The following GCNT2 variants were observed in gnomAD, a reference collection of about 807,000 sequenced individuals.
The protein encoded by GCNT2 is glucosaminyl (N-acetyl) transferase 2 (I blood group).
In GCNT2, 34 loss-of-function variants were observed where a neutral mutation model predicts 34.2. That is an observed-to-expected ratio of 1.00 (90% CI 0.76 to 1.32). The LOEUF (loss-of-function observed/expected upper bound fraction) is 1.32, where lower values mean the gene tolerates loss of function less well. GCNT2 is among the 40% of genes most tolerant of loss of function. The pLI, the probability that GCNT2 is intolerant of heterozygous loss-of-function variation, is 0.00. For missense variants in GCNT2, 584 were observed against 489.4 expected (o/e 1.19, Z -1.82); for synonymous variants, 212 against 188.0 (o/e 1.13, Z -1.04).
intron 3 of GCNT2, among the ~76,000 whole-genome samples, chr6:10,541,318 C>A (rs1023332743): frequency 5.3e-5 from 8 of 152,160 alleles, no homozygotes; most frequent in African/African-American, 1.9e-4. Flanking sequence ...CCAACTCTAT[C>A]CATGTCCCTG....
intron 3 of GCNT2, among the ~76,000 whole-genome samples, chr6:10,538,437 A>AAATATATATATATATATAT (rs1554127249): frequency 2.7e-5 from 2 of 73,354 alleles, no homozygotes; most frequent in African/African-American, 2.4e-4. Context: ...AAAAAAAAAA[A>AAATATATATATATATATAT]ATATATATAT....
intron 3 of GCNT2, chr6:10,586,416 T>C: frequency 6.2e-7 from 1 of 1,614,188 alleles, no homozygotes; most frequent in East Asian, 2.2e-5. Flanking sequence ...TGTGAGGCAG[T>C]TACTGAGTTG....
chr6:10,626,865 A>G lies in GCNT2; in HGVS notation c.*258A>G, dbSNP rs1766281470. On this transcript the variant is annotated 3_prime_UTR_variant, in exon 5 of 5. Transcript: ENST00000495262. ...TTGATGCTCACCTCTATATTAGTTT[A>G]TTGTTAGGATCAATGATAAATTTAA... The G allele has an allele frequency of 1.3e-5, 6 of 470,898 alleles. No homozygotes were observed. The highest frequency in any genetic ancestry group is 6.1e-4 in the Middle Eastern group (1 of 1,650). The allele number at this position is 470,898 out of a possible 1,614,324, so 29.2% of individuals were successfully genotyped here.
At chr6:10,586,227 C>G in intron 3 of GCNT2, 1 of 1,614,148 alleles carries the variant, frequency 6.2e-7, no homozygotes, top group Non-Finnish European at 8.5e-7. Flanking sequence ...TTACCTGACC[C>G]AGAATCACTA....
At chr6:10,541,021 T>C (rs1762015372) in intron 3 of GCNT2, among the ~76,000 whole-genome samples, 2 of 152,218 alleles carry the variant, frequency 1.3e-5, no homozygotes, top group Non-Finnish European at 2.9e-5. Flanking sequence ...GTTTTCTTTC[T>C]ATTTTAAGTT....
chr6:10,528,849 A>AG lies in GCNT2; in HGVS notation c.-63_-62insG. ...TCGGAACCTGGAGAAAATGTAAGTT[A>AG]AATATATCTACACTCTGATCCTATC... On this transcript the variant is annotated 5_prime_UTR_variant, in exon 3 of 5. The change abolishes the stop of an existing upstream ORF in the 5' untranslated region. Transcript: ENST00000495262. 1 of 1,318,934 alleles carries AG rather than the reference A, an allele frequency of 7.6e-7. No individual in the cohort carries two copies. Among genetic ancestry groups the AG allele is most frequent in the Non-Finnish European group, 1.1e-6 (1 of 913,030 alleles). 81.7% of individuals were successfully genotyped at this position (1,318,934 alleles called of 1,614,324 possible).
intron 3 of GCNT2, among the ~76,000 whole-genome samples, chr6:10,602,488 G>A (rs978985141): frequency 6.6e-6 from 1 of 152,210 alleles, no homozygotes; most frequent in Non-Finnish European, 1.5e-5. Flanking sequence ...ACTGTAAACA[G>A]AACTGCCCTG....
chr6:10,575,296 G>A, intron 3 of GCNT2: 1 of 252,112 alleles, frequency 4.0e-6, no homozygotes, highest in Admixed American at 4.5e-5. Flanking sequence ...CCGTGATAGT[G>A]TATCTCATAC....
intron 3 of GCNT2, among the ~76,000 whole-genome samples, chr6:10,587,187 C>G (rs567851217): frequency 1.3e-5 from 2 of 152,178 alleles, no homozygotes; most frequent in Admixed American, 1.3e-4. Context: ...TAATACTTTT[C>G]GTAGTCCTTG....
chr6:10,594,852 CT>C (rs34521720), intron 3 of GCNT2, among the ~76,000 whole-genome samples: 26 of 148,030 alleles, frequency 1.8e-4, no homozygotes, highest in East Asian at 3.9e-4. Flanking sequence ...ATACCAGTTC[CT>C]TTTTTTTTTG....
At chr6:10,602,790 T>C (rs1031854589) in intron 3 of GCNT2, among the ~76,000 whole-genome samples, 23 of 152,166 alleles carry the variant, frequency 1.5e-4, no homozygotes. Context: ...GTTTTGAAGG[T>C]GAAGAAGGCA....
chr6:10,597,483 C>T (rs1764908373), intron 3 of GCNT2, among the ~76,000 whole-genome samples: 1 of 150,322 alleles, frequency 6.7e-6, no homozygotes, highest in Admixed American at 6.6e-5. Context: ...ACTTCCACCC[C>T]ATAAAATATA....
intron 1 of GCNT2, among the ~76,000 whole-genome samples, chr6:10,525,422 C>T (rs991054627): frequency 3.9e-5 from 6 of 152,214 alleles, no homozygotes; most frequent in African/African-American, 1.2e-4. Context: ...TGAACAATCT[C>T]GCGTCCTTTT....
chr6:10,621,116 T>C (rs1046914400), intron 3 of GCNT2, among the ~76,000 whole-genome samples: 3 of 152,206 alleles, frequency 2.0e-5, no homozygotes, highest in Non-Finnish European at 4.4e-5. Context: ...TTGATTTGTA[T>C]ATTGATTGAA....
chr6:10,562,080 G>C (rs1445417531), intron 3 of GCNT2, among the ~76,000 whole-genome samples: 2 of 152,136 alleles, frequency 1.3e-5, no homozygotes, highest in Non-Finnish European at 2.9e-5. Flanking sequence ...AGATGCCCAA[G>C]GGAGCTCCCA....
At chr6:10,546,191 T>C (rs1762257141) in intron 3 of GCNT2, among the ~76,000 whole-genome samples, 1 of 152,172 alleles carries the variant, frequency 6.6e-6, no homozygotes, top group African/African-American at 2.4e-5. Flanking sequence ...CCCAGGACAG[T>C]TGAAGCCGTT....
rs532573557 is a variant in GCNT2, at chr6:10,541,073, ACGTGTGC to A, written c.925+11239_925+11245del. 3.2e-3 allele frequency among the ~76,000 whole-genome samples: 483 copies of A among 152,172 alleles called. 2 individuals are homozygous for A. Among genetic ancestry groups the A allele is most frequent in the Non-Finnish European group, 5.5e-3 (371 of 67,994 alleles). On this transcript the variant is annotated intron_variant, in intron 3 of 4. Coordinates refer to ENST00000495262, the MANE Select transcript of GCNT2 (RefSeq NM_145649.5). ...ATGTGCAGGTTTGTTACATAGGTAA[ACGTGTGC>A]CACAGTGGTTTACCCGCACAGATCA...
intron 3 of GCNT2, among the ~76,000 whole-genome samples, chr6:10,534,299 G>A (rs1445725080): frequency 2.6e-5 from 4 of 151,832 alleles, no homozygotes; most frequent in South Asian, 2.1e-4. Flanking sequence ...ATGACACCAC[G>A]CTTGGCTAAT....
chr6:10,612,962 C>G (rs1166469013), intron 3 of GCNT2, among the ~76,000 whole-genome samples: 2 of 152,260 alleles, frequency 1.3e-5, no homozygotes, highest in East Asian at 3.9e-4. Flanking sequence ...TACAGCTGAA[C>G]CAATTTCAGC....
Sources: allele counts gnomAD v4.1 joint callset (sites outside exome capture counted in the v4.1 genomes callset), GRCh38; gene constraint gnomAD v4.1.1; transcripts MANE v1.5; gene names NCBI Gene and HGNC (gene_info 2026-07-23, HGNC 2026-07-21).